The following CKAP2 variants were observed in gnomAD, a reference collection of about 807,000 sequenced individuals.
CKAP2 encodes the protein cytoskeleton associated protein 2.
A neutral mutation model predicts 58.4 loss-of-function variants in CKAP2; 46 were observed. That is an observed-to-expected ratio of 0.79 (90% confidence interval 0.62 to 1.01). The LOEUF is 1.01. Among genes scored for constraint, CKAP2 ranks in the 50% least tolerant of loss-of-function variants. The pLI is 0.00. For missense variants in CKAP2, 809 were observed against 796.4 expected (o/e 1.02, Z -0.19); for synonymous variants, 293 against 280.9 (o/e 1.04, Z -0.43).
In CKAP2 at chr13:52,475,493, TAGGTAAAATGTATG is replaced by T. The variant is rs1434877460; in HGVS notation, c.*353_*366del. On this transcript the variant is annotated 3_prime_UTR_variant, in exon 9 of 9. Coordinates refer to ENST00000258607, the MANE Select transcript of CKAP2 (RefSeq NM_018204.5). ...TGCATAATTAGAAAATGAGGTATTCTAGGTAAAATGTATGTTTGCCTTGACATGTTTTTAAAAGT... is the reference window on the plus strand; with the variant it reads ...TGCATAATTAGAAAATGAGGTATTCTTTTGCCTTGACATGTTTTTAAAAGT... The T allele has an allele frequency of 5.8e-6, 1 of 171,960 alleles. No homozygotes were observed. Among genetic ancestry groups the T allele is most frequent in the South Asian group, 1.9e-4 (1 of 5,156 alleles). 10.7% of individuals were successfully genotyped at this position (171,960 alleles called of 1,614,324 possible).
intron 1 of CKAP2, chr13:52,456,216 A>G (rs1958477297): frequency 9.4e-7 from 1 of 1,062,044 alleles, no homozygotes. Context: ...CCTCACTTCT[A>G]CCATTTAGTT....
chr13:52,465,143 T>G (rs371974440), intron 5 of CKAP2, 152 bp from the exon 6 acceptor site: 1 of 613,586 alleles, frequency 1.6e-6, no homozygotes, highest in Non-Finnish European at 2.8e-6. Flanking sequence ...TAAGTGTTCA[T>G]TTTTTACTAA....
At chr13:52,464,678 A>T (rs7332023) in intron 5 of CKAP2, among the ~76,000 whole-genome samples, 14 of 152,078 alleles carry the variant, frequency 9.2e-5, no homozygotes, top group Admixed American at 7.8e-4. Context: ...GCTCCAGAAC[A>T]ATATTCTGTT....
rs1222004848 is a variant in CKAP2 at position 52,473,980 on chromosome 13, C to A, written c.1698C>A (p.Asp566Glu). ...LLFQDCEKEQ[D>E]NKTKDPTHDV... is the part of the protein sequence containing the mutation. ...TTCAAGATTGTGAAAAAGAGCAAGA[C>A]AACAAAACAAAAGATCCAACCCATG... Residue 566 changes from aspartate (D) to glutamate (E), a missense_variant, in exon 8 of 9, where the codon GAC (aspartate) becomes GAA (glutamate). Physicochemically the swap from Asp to Glu is conservative, Grantham distance 45. Coordinates refer to ENST00000258607, the MANE Select transcript of CKAP2 (RefSeq NM_018204.5). 6.2e-7 allele frequency: 1 copy of A among 1,614,002 alleles called. No individual in the cohort carries two copies. The highest frequency in any genetic ancestry group is 8.5e-7 in the Non-Finnish European group (1 of 1,179,976).
At position 52,475,139 on chromosome 13, in the gene CKAP2, TA is replaced by T; in HGVS notation, c.2049del (p.Ter683=). 2 of 1,611,728 alleles carry T rather than the reference TA, an allele frequency of 1.2e-6. No homozygotes were observed. The highest frequency in any genetic ancestry group is 1.7e-6 in the Non-Finnish European group (2 of 1,178,784). On this transcript the variant is annotated frameshift_variant and stop_lost, in exon 9 of 9. Coordinates refer to ENST00000258607, the MANE Select transcript of CKAP2 (RefSeq NM_018204.5). LOFTEE classifies it high-confidence loss of function. Reference sequence around the variant, plus strand: ...GGTGTACTATGAGGCTGATACAACATAAGAGAAATAAAGCTCTGTTAGGGAA... The same window carrying T: ...GGTGTACTATGAGGCTGATACAACATAGAGAAATAAAGCTCTGTTAGGGAA... ...CRVYYEADTT* is the reference protein window; with the variant it reads ...CRVYYEADTTX
intron 7 of CKAP2, among the ~76,000 whole-genome samples, chr13:52,472,951 G>T (rs573027005): frequency 6.6e-6 from 1 of 152,134 alleles, no homozygotes; most frequent in African/African-American, 2.4e-5. Flanking sequence ...GCTTTGGCAG[G>T]AGGATCACTT....
intron 2 of CKAP2, among the ~76,000 whole-genome samples, chr13:52,459,027 G>A (rs1381954263): frequency 6.6e-6 from 1 of 151,988 alleles, no homozygotes; most frequent in Non-Finnish European, 1.5e-5. Context: ...CCCTTCTGAG[G>A]GCAGTTTTAT....
chr13:52,473,927 G>T lies in CKAP2; in HGVS notation c.1645G>T (p.Glu549Ter). ...VDVDPEKLEM[E>*]SKLHRNLLFQ... ...TGTAGATCCAGAAAAACTGGAAATG[G>T]AGAGTAAACTTCATAGAAATTTGCT... Residue 549 changes from glutamate to a stop codon, truncating the protein, a stop_gained, in exon 8 of 9, where the codon GAG becomes TAG. Coordinates refer to ENST00000258607, the MANE Select transcript of CKAP2 (RefSeq NM_018204.5). LOFTEE classifies it high-confidence loss of function. The T allele has an allele frequency of 6.2e-7, 1 of 1,613,956 alleles. No individual in the cohort carries two copies. The highest frequency in any genetic ancestry group is 8.5e-7 in the Non-Finnish European group (1 of 1,179,960).
intron 2 of CKAP2, among the ~76,000 whole-genome samples, chr13:52,460,157 C>T (rs1051775137): frequency 1.3e-5 from 2 of 152,156 alleles, no homozygotes; most frequent in African/African-American, 4.8e-5. Context: ...CCACAACCAG[C>T]AGTGCATATT....
Position 52,462,439 on chromosome 13 carries a change from G to C in CKAP2, c.1177G>C (p.Glu393Gln), listed in dbSNP as rs776949710. 9 of 1,613,972 alleles carry C rather than the reference G, an allele frequency of 5.6e-6. No individual in the cohort carries two copies. The Admixed American group carries it at 1.5e-4, about 27-fold the overall frequency. ...RPPNSVVTQH[E>Q]PAGQNEKPVG... is the part of the protein sequence containing the mutation. ...CCCTAATTCAGTAGTTACTCAGCAT[G>C]AGCCTGCAGGACAAAATGAAAAACC... The change falls in exon 5 of 9, where the codon GAG becomes CAG. Residue 393 changes from glutamate to glutamine, a missense_variant. Around this residue, in one of 3 missense-constraint regions of CKAP2, gnomAD observed 523 missense variants for 492.4 expected, o/e 1.06. Transcript: ENST00000258607.
chr13:52,465,964 T>TAC (rs1446279326), intron 6 of CKAP2: 1 of 276,342 alleles, frequency 3.6e-6, no homozygotes, highest in Non-Finnish European at 7.1e-6. Flanking sequence ...TGCACACATA[T>TAC]ATACACACAT....
chr13:52,473,984 A>C lies in CKAP2; in HGVS notation c.1702A>C (p.Lys568Gln). ...FQDCEKEQDNKTKDPTHDVKT... is the reference protein window; with the variant it reads ...FQDCEKEQDNQTKDPTHDVKT... The stretch of plus-strand genomic sequence containing the variant: ...AGATTGTGAAAAAGAGCAAGACAAC[A>C]AAACAAAAGATCCAACCCATGATGT... Residue 568 changes from lysine to glutamine, a missense_variant, in exon 8 of 9, where the codon AAA (lysine) becomes CAA (glutamine). By Grantham distance (53) the Lys-to-Gln change is moderately conservative (BLOSUM62 1). This residue lies in a region of CKAP2 where 283 missense variants were observed against 287.6 expected (regional missense o/e 0.98). Transcript: ENST00000258607. 3 of 1,614,166 alleles carry C rather than the reference A, an allele frequency of 1.9e-6. No individual in the cohort carries two copies. Among genetic ancestry groups the C allele is most frequent in the Non-Finnish European group, 2.5e-6 (3 of 1,180,010 alleles).
Position 52,460,768 on chromosome 13 carries a change from A to G in CKAP2, c.156-131A>G, listed in dbSNP as rs2137840013. On this transcript the variant is annotated intron_variant, in intron 2 of 8. Coordinates refer to ENST00000258607, the MANE Select transcript of CKAP2 (RefSeq NM_018204.5). ...CGCCTGGCCGCTTAGGACAAATTTC[A>G]ACTCAGGTCTTTTTTAAATTTAAAA... is the stretch of plus-strand genomic sequence containing the variant. 3 of 861,582 alleles carry G rather than the reference A, an allele frequency of 3.5e-6. No homozygotes were observed. The East Asian group carries it at 8.4e-5, about 24-fold the overall frequency. 53.4% of individuals were successfully genotyped at this position (861,582 alleles called of 1,614,324 possible).
At chr13:52,459,500 T>G (rs1203375837) in intron 2 of CKAP2, among the ~76,000 whole-genome samples, 1 of 152,014 alleles carries the variant, frequency 6.6e-6, no homozygotes, top group African/African-American at 2.4e-5. Context: ...TATTTTTGAT[T>G]TTAGTAGAGA....
intron 1 of CKAP2, 134 bp downstream of exon 1, chr13:52,455,760 G>T (rs1018047323): frequency 2.8e-6 from 3 of 1,073,968 alleles, no homozygotes; most frequent in Admixed American, 8.3e-5. Flanking sequence ...ACGCGGCGTC[G>T]GCCTCGCCCT....
At chr13:52,470,743 A>G (rs1411897739) in intron 7 of CKAP2, among the ~76,000 whole-genome samples, 1 of 152,190 alleles carries the variant, frequency 6.6e-6, no homozygotes, top group Non-Finnish European at 1.5e-5. Flanking sequence ...GAACATACAG[A>G]ACATCTATAT....
Position 52,462,411 on chromosome 13 carries a change from G to T in CKAP2, c.1149G>T (p.Arg383Ser). Residue 383 changes from arginine to serine, a missense_variant, in exon 5 of 9, where the codon AGG (arginine) becomes AGT (serine). Arg to Ser is a moderately radical substitution (Grantham distance 110). Transcript: ENST00000258607. ...CTGGCAAAGGAAGAGTGCTAAAAAG[G>T]CCCCCTAATTCAGTAGTTACTCAGC... ...WKAGKGRVLK[R>S]PPNSVVTQHE... 5.6e-6 allele frequency: 9 copies of T among 1,614,012 alleles called. No homozygotes were observed. Among genetic ancestry groups the T allele is most frequent in the Non-Finnish European group, 7.6e-6 (9 of 1,179,994 alleles).
chr13:52,467,204 A>G (rs569075661), intron 6 of CKAP2, among the ~76,000 whole-genome samples: 1 of 152,078 alleles, frequency 6.6e-6, no homozygotes, highest in Admixed American at 6.5e-5. Context: ...ACCTTCCCTA[A>G]TCTTGATTGT....
chr13:52,459,934 G>C (rs549642071), intron 2 of CKAP2, among the ~76,000 whole-genome samples: 1 of 152,124 alleles, frequency 6.6e-6, no homozygotes, highest in South Asian at 2.1e-4. Flanking sequence ...ACGGGATCTT[G>C]GCCCACTGCC....
Sources: gnomAD v4.1 joint callset for allele counts (sites outside exome capture counted in the v4.1 genomes callset) on GRCh38, gnomAD v4.1.1 for gene constraint, gnomAD v4.1.1 regional missense constraint, MANE v1.5 for transcripts, NCBI Gene and HGNC (gene_info 2026-07-23, HGNC 2026-07-21) for gene names.